The following UBAP2 variants were observed in gnomAD, a reference collection of about 807,000 sequenced individuals.
The protein encoded by UBAP2 is ubiquitin associated protein 2.
A neutral mutation model predicts 139.6 loss-of-function variants in UBAP2; 75 were observed. The observed-to-expected ratio is 0.54, with a 90% confidence interval of 0.45 to 0.65. UBAP2 has a LOEUF of 0.65. UBAP2 is among the 30% of genes least tolerant of loss of function. The probability of loss-of-function intolerance (pLI) is 0.00; values close to 1 mark genes in which losing one functional copy is unlikely to be tolerated. For synonymous variants in UBAP2, 526 were observed against 526.2 expected, an observed-to-expected ratio of 1.00 and a Z score of 0.01; for missense variants, 1,368 against 1,369.6, an observed-to-expected ratio of 1.00 and a Z score of 0.02.
At chr9:33,999,882 G>A (rs1564055662) in intron 2 of UBAP2, among the ~76,000 whole-genome samples, 2 of 73,834 alleles carry the variant, frequency 2.7e-5, no homozygotes, top group African/African-American at 7.7e-5. Context: ...ATGTATGTAT[G>A]TATGTATGTA....
intron 12 of UBAP2, among the ~76,000 whole-genome samples, chr9:33,949,954 T>G (rs1825965003): frequency 6.6e-6 from 1 of 152,170 alleles, no homozygotes; most frequent in Non-Finnish European, 1.5e-5. Context: ...CAGGTCGAGA[T>G]CCAAAGAGAA....
chr9:33,922,235 A>G lies in UBAP2; in HGVS notation c.*269T>C. On this transcript the variant is annotated 3_prime_UTR_variant, in exon 29 of 29. Coordinates refer to ENST00000379238, the MANE Select transcript of UBAP2 (RefSeq NM_001370062.2). The stretch of plus-strand genomic sequence containing the variant: ...ATGGGGTGGGGGTGCTTATTTTGCT[A>G]CAGTGGAGAAGGGGCTTGAATGGGG... 2.3e-6 allele frequency: 1 copy of G among 441,420 alleles called. No homozygotes were observed. The highest frequency in any genetic ancestry group is 4.2e-6 in the Non-Finnish European group (1 of 240,296). The allele number at this position is 441,420 out of a possible 1,614,324, so 27.3% of individuals were successfully genotyped here.
chr9:33,980,226 T>TTTC (rs1820530163), intron 6 of UBAP2, among the ~76,000 whole-genome samples: 1 of 71,638 alleles, frequency 1.4e-5, no homozygotes, highest in South Asian at 6.8e-4. Flanking sequence ...ATTTCTTTTT[T>TTTC]TTTTTTTTTT....
intron 11 of UBAP2, among the ~76,000 whole-genome samples, chr9:33,955,712 G>A (rs555400442): frequency 1.3e-5 from 2 of 151,750 alleles, no homozygotes; most frequent in African/African-American, 4.8e-5. Context: ...TGTAATCCCA[G>A]CTACCTGGGA....
intron 17 of UBAP2, among the ~76,000 whole-genome samples, chr9:33,935,075 C>A (rs307651): frequency 0.4 from 59,926 of 150,356 alleles, 12,267 homozygotes; most frequent in South Asian, 0.48. Flanking sequence ...TACTATAAAC[C>A]ATCAGTCAAG....
chr9:34,016,490 G>T (rs1320349414), intron 2 of UBAP2, among the ~76,000 whole-genome samples: 1 of 151,782 alleles, frequency 6.6e-6, no homozygotes, highest in Non-Finnish European at 1.5e-5. Flanking sequence ...ACATCCAATT[G>T]TACCTGAATC....
intron 6 of UBAP2, among the ~76,000 whole-genome samples, chr9:33,978,717 G>A (rs633706): frequency 3.3e-5 from 5 of 151,644 alleles, no homozygotes; most frequent in Admixed American, 2.0e-4. Context: ...GAGGGGGAGC[G>A]TGCAATGAGC....
intron 8 of UBAP2, chr9:33,968,251 G>T (rs549374959): frequency 4.8e-5 from 30 of 621,830 alleles, no homozygotes; most frequent in Non-Finnish European, 8.8e-5. Context: ...ACAGGAAGCT[G>T]GATGCAAGTC....
At chr9:34,009,318 C>G (rs891311622) in intron 2 of UBAP2, among the ~76,000 whole-genome samples, 1 of 152,118 alleles carries the variant, frequency 6.6e-6, no homozygotes, top group Non-Finnish European at 1.5e-5. Context: ...AGGCTGGTCT[C>G]GAACCCCTGG....
At chr9:33,945,034 G>A (rs537900803) in intron 13 of UBAP2, among the ~76,000 whole-genome samples, 3 of 152,078 alleles carry the variant, frequency 2.0e-5, no homozygotes, top group Non-Finnish European at 4.4e-5. Context: ...GGAGGCTGAG[G>A]TGGGAGGATT....
In UBAP2 at chr9:33,943,447, G is replaced by T; in HGVS notation, c.1688C>A (p.Pro563His). The change falls in exon 15 of 29, where the codon CCC becomes CAC. Residue 563 changes from proline (P) to histidine (H), a missense_variant. By Grantham distance (77) the Pro-to-His change is moderately conservative (BLOSUM62 -2). Transcript: ENST00000379238. The part of the protein sequence containing the change: ...APSSENSNQI[P>H]ISLYSKSLSE... ...TAAAGACTTCGAATACAAGCTGATG[G>T]GAATCTGATTACTATTTTCACTGCT... 6.2e-7 allele frequency: 1 copy of T among 1,614,100 alleles called. No homozygotes were observed. Among genetic ancestry groups the T allele is most frequent in the South Asian group, 1.1e-5 (1 of 91,078 alleles).
intron 8 of UBAP2, among the ~76,000 whole-genome samples, chr9:33,964,529 C>G (rs535853845): frequency 6.6e-6 from 1 of 152,026 alleles, no homozygotes; most frequent in Non-Finnish European, 1.5e-5. Flanking sequence ...AGCTTCCACA[C>G]ACAGTTCTTC....
At chr9:33,947,002 T>C (rs989005694) in intron 13 of UBAP2, among the ~76,000 whole-genome samples, 1 of 152,228 alleles carries the variant, frequency 6.6e-6, no homozygotes, top group African/African-American at 2.4e-5. Context: ...TAAGAGTGGC[T>C]CACTGTGCTA....
chr9:33,964,713 T>C (rs1279207224), intron 8 of UBAP2, among the ~76,000 whole-genome samples: 1 of 146,332 alleles, frequency 6.8e-6, no homozygotes, highest in Admixed American at 6.8e-5. Flanking sequence ...CCCCATCTCT[T>C]AAAAAAAAAA....
rs57473520 is a variant in UBAP2 at position 33,951,332 on chromosome 9, A to ATT, written c.1056+1951_1056+1952dup. 2.2e-3 allele frequency among the ~76,000 whole-genome samples: 149 copies of ATT among 68,982 alleles called. 4 individuals carry two copies. Among genetic ancestry groups the ATT allele is most frequent in the African/African-American group, 7.1e-3 (137 of 19,354 alleles). The allele number at this position is 68,982 out of a possible 152,430, so 45.3% of individuals were successfully genotyped here. A position where few individuals can be genotyped will look rare whatever the true frequency, so the allele number is the denominator to read the frequency against. ...CATGCCATGCCTGGCCTCCCCAATG[A>ATT]TTTTTTTTTTTTTTTTTTTTTTTTT... On this transcript the variant is annotated intron_variant, in intron 12 of 28. Transcript: ENST00000379238.
At chr9:33,980,564 A>C (rs890613217) in intron 6 of UBAP2, among the ~76,000 whole-genome samples, 1 of 151,966 alleles carries the variant, frequency 6.6e-6, no homozygotes, top group African/African-American at 2.4e-5. Flanking sequence ...ATACATAAAC[A>C]CACTCAACTA....
chr9:34,030,620 A>G (rs994126483), intron 1 of UBAP2, among the ~76,000 whole-genome samples: 1 of 151,252 alleles, frequency 6.6e-6, no homozygotes, highest in Admixed American at 6.6e-5. Context: ...GATGAGTGAG[A>G]CCCTGTTTCA....
chr9:33,986,916 G>A, intron 5 of UBAP2, 79 bp from the exon 6 acceptor site: 1 of 1,242,344 alleles, frequency 8.0e-7, no homozygotes, highest in Non-Finnish European at 1.2e-6. Flanking sequence ...CCTATTAAAG[G>A]CAAAGAAGGA....
At chr9:34,031,019 C>T (rs1405066216) in intron 1 of UBAP2, among the ~76,000 whole-genome samples, 6 of 152,106 alleles carry the variant, frequency 3.9e-5, no homozygotes, top group African/African-American at 9.7e-5. Flanking sequence ...CCAAGGCAGG[C>T]GGATCACCTG....
Sources: gnomAD v4.1 joint callset for allele counts (sites outside exome capture counted in the v4.1 genomes callset) on GRCh38, gnomAD v4.1.1 for gene constraint, MANE v1.5 for transcripts, NCBI Gene and HGNC (gene_info 2026-07-23, HGNC 2026-07-21) for gene names.